Variants in WDFY4 observed in about 807,000 individuals in gnomAD.
WDFY4 encodes WD repeat- and FYVE domain-containing protein 4.
In WDFY4, 169 loss-of-function variants were observed where a neutral mutation model predicts 351.9. The ratio of observed to expected loss-of-function variants is 0.48; its 90% confidence interval spans 0.42 to 0.55. WDFY4 has a LOEUF of 0.55. Ranked by LOEUF, WDFY4 falls within the 20% of genes least tolerant of loss-of-function variation. The pLI is 0.00. For synonymous variants in WDFY4, 1,622 were observed against 1,574.6 expected (o/e 1.03, Z -0.71); for missense variants, 3,803 against 3,935.6 (o/e 0.97, Z 0.90).
At position 48,826,726 on chromosome 10, in the gene WDFY4, G is replaced by A. The variant is rs557635780; in HGVS notation, c.6038G>A (p.Ser2013Asn). 1.3e-5 allele frequency: 20 copies of A among 1,551,662 alleles called. 1 individual carries two copies. Among genetic ancestry groups the A allele is most frequent in the Non-Finnish European group, 1.6e-5 (18 of 1,147,020 alleles). The change falls in exon 36 of 62, where the codon AGT becomes AAT. Residue 2013 changes from serine to asparagine, a missense_variant. This residue lies in a region of WDFY4 where 3,054 missense variants were observed against 3,148.6 expected (regional missense o/e 0.97). Transcript: ENST00000325239. ...ACTGTCCTCAGCACTTTATACAGCA[G>A]TTTAAATAAAGTCATTCTTTATTGC... is the stretch of plus-strand genomic sequence containing the variant. The part of the protein sequence containing the change: ...RDTVLSTLYS[S>N]LNKVILYCLS...
intron 9 of WDFY4, among the ~76,000 whole-genome samples, chr10:48,732,799 A>G (rs907221705): frequency 6.6e-6 from 1 of 152,228 alleles, no homozygotes; most frequent in Non-Finnish European, 1.5e-5. Context: ...TGCTACTGCC[A>G]TAGACTGAGA....
chr10:48,980,529 C>T (rs915827753), intron 60 of WDFY4, among the ~76,000 whole-genome samples: 6 of 152,198 alleles, frequency 3.9e-5, no homozygotes, highest in African/African-American at 1.2e-4. Flanking sequence ...CAGCTGAGTA[C>T]AATTTATTTC....
intron 47 of WDFY4, chr10:48,910,861 AC>A: frequency 6.2e-6 from 6 of 973,582 alleles, no homozygotes; most frequent in Middle Eastern, 5.3e-4. Context: ...GAGGACGTGG[AC>A]CAGCAAACCC....
intron 47 of WDFY4, among the ~76,000 whole-genome samples, chr10:48,939,150 A>G (rs1416976425): frequency 6.6e-6 from 1 of 152,234 alleles, no homozygotes; most frequent in Non-Finnish European, 1.5e-5. Flanking sequence ...AAGGTCACTC[A>G]GAGGGGGACT....
At position 48,971,393 on chromosome 10, in the gene WDFY4, G is replaced by T. The variant is rs577478267; in HGVS notation, c.8928+1104G>T. On this transcript the variant is annotated intron_variant, in intron 57 of 61. Transcript: ENST00000325239. ...TGCCTGTAGTCCCATCTACTCAGGA[G>T]ACTGAGGCAGGAGAATGGCGTGAAC... 3.3e-5 allele frequency among the ~76,000 whole-genome samples: 5 copies of T among 152,118 alleles called. No homozygotes were observed. The East Asian group carries it at 9.7e-4, about 29-fold the overall frequency.
At chr10:48,852,889 G>A (rs1385900533) in intron 39 of WDFY4, among the ~76,000 whole-genome samples, 1 of 152,032 alleles carries the variant, frequency 6.6e-6, no homozygotes, top group Non-Finnish European at 1.5e-5. Flanking sequence ...GCTCCCCTCA[G>A]CCTCTAATAT....
intron 12 of WDFY4, among the ~76,000 whole-genome samples, chr10:48,750,282 T>C (rs2132459592): frequency 6.6e-6 from 1 of 152,224 alleles, no homozygotes; most frequent in East Asian, 1.9e-4. Context: ...TGTGACCCTG[T>C]CGTTCCCACT....
At chr10:48,965,912 A>G (rs1013333543) in intron 54 of WDFY4, among the ~76,000 whole-genome samples, 4 of 152,150 alleles carry the variant, frequency 2.6e-5, no homozygotes, top group African/African-American at 9.7e-5. Context: ...GTCCAGCAGC[A>G]AGGACTCAAC....
chr10:48,817,465 C>CAAGGGCA (rs2067660604), intron 32 of WDFY4, 56 bp downstream of exon 32: 10 of 1,487,918 alleles, frequency 6.7e-6, no homozygotes, highest in Non-Finnish European at 9.0e-6. Context: ...CATCATCCTT[C>CAAGGGCA]AAGGGCAAAG....
At position 48,826,882 on chromosome 10, in the gene WDFY4, A is replaced by C; in HGVS notation, c.6194A>C (p.His2065Pro). ...ATCAGCTTCCTCCTGTGTCTCATGC[A>C]TTGCCTTTTGCTACTCAATGAGAGA... ...SNISFLLCLM[H>P]CLLLLNERSY... The change falls in exon 36 of 62, where the codon CAT (histidine) becomes CCT (proline). Residue 2065 changes from histidine (H) to proline (P), a missense_variant. Physicochemically the swap from His to Pro is moderately conservative, Grantham distance 77. Coordinates refer to ENST00000325239, the MANE Select transcript of WDFY4 (RefSeq NM_001394531.1). 3 of 1,551,718 alleles carry C rather than the reference A, an allele frequency of 1.9e-6. No individual in the cohort carries two copies. Among genetic ancestry groups the C allele is most frequent in the Non-Finnish European group, 2.6e-6 (3 of 1,146,996 alleles).
At chr10:48,767,353 T>A (rs1248204848) in intron 13 of WDFY4, among the ~76,000 whole-genome samples, 4 of 152,242 alleles carry the variant, frequency 2.6e-5, no homozygotes, top group African/African-American at 9.6e-5. Context: ...CCCTTCTAGC[T>A]CTGACAGTCT....
At chr10:48,957,825 T>C (rs1841672429) in intron 52 of WDFY4, among the ~76,000 whole-genome samples, 1 of 152,196 alleles carries the variant, frequency 6.6e-6, no homozygotes, top group Non-Finnish European at 1.5e-5. Flanking sequence ...CTTGCTGCTA[T>C]AGAGGTGGAA....
At chr10:48,870,964 C>T (rs1247513629) in intron 40 of WDFY4, among the ~76,000 whole-genome samples, 1 of 151,490 alleles carries the variant, frequency 6.6e-6, no homozygotes, top group Non-Finnish European at 1.5e-5. Context: ...GATGGAGGCT[C>T]GCTCCTTCCC....
At position 48,901,781 on chromosome 10, in the gene WDFY4, T is replaced by A. The variant is rs1438122663; in HGVS notation, c.7524-20T>A. 1 of 1,551,310 alleles carries A rather than the reference T, an allele frequency of 6.4e-7. No individual in the cohort carries two copies. The highest frequency in any genetic ancestry group is 8.7e-7 in the Non-Finnish European group (1 of 1,146,668). On this transcript the variant is annotated intron_variant, in intron 46 of 61. Coordinates refer to ENST00000325239, the MANE Select transcript of WDFY4 (RefSeq NM_001394531.1). ...GGTCTTGACTCTGCTGATGGAATTATCCCTTCCCTTTTCATGTAGCTTCTG... is the reference window on the plus strand; with the variant it reads ...GGTCTTGACTCTGCTGATGGAATTAACCCTTCCCTTTTCATGTAGCTTCTG...
At chr10:48,836,943 C>A (rs917458447) in intron 39 of WDFY4, among the ~76,000 whole-genome samples, 8 of 152,114 alleles carry the variant, frequency 5.3e-5, no homozygotes, top group Non-Finnish European at 1.0e-4. Context: ...TCCAGACTTC[C>A]TTGTTTAAAA....
intron 47 of WDFY4, among the ~76,000 whole-genome samples, chr10:48,909,063 G>A (rs1402448856): frequency 6.6e-6 from 1 of 151,966 alleles, no homozygotes; most frequent in South Asian, 2.1e-4. Context: ...TGAGAATAGT[G>A]CCATTGAGAT....
intron 35 of WDFY4, 151 bp downstream of exon 35, chr10:48,822,688 A>T: frequency 1.7e-5 from 11 of 630,522 alleles, no homozygotes; most frequent in African/African-American, 2.0e-5. Flanking sequence ...GTCCCAGGTA[A>T]TACCTGGAGG....
At chr10:48,745,948 C>A in intron 12 of WDFY4, 1 of 201,256 alleles carries the variant, frequency 5.0e-6, no homozygotes, top group Non-Finnish European at 1.0e-5. Context: ...AGGGTTGGTG[C>A]TCATCCGCCT....
intron 47 of WDFY4, among the ~76,000 whole-genome samples, chr10:48,927,914 AG>A (rs1179697210): frequency 6.6e-6 from 1 of 152,250 alleles, no homozygotes; most frequent in Admixed American, 6.5e-5. Context: ...TAAGATGATT[AG>A]TTTAACAGAC....
Sources: allele counts gnomAD v4.1 joint callset (sites outside exome capture counted in the v4.1 genomes callset), GRCh38; gene constraint gnomAD v4.1.1; regional missense constraint gnomAD v4.1.1; transcripts MANE v1.5; gene names NCBI Gene and HGNC (gene_info 2026-07-23, HGNC 2026-07-21).